The following LRRC20 variants were observed in gnomAD, a reference collection of about 807,000 sequenced individuals.
LRRC20 encodes leucine-rich repeat-containing protein 20.
A neutral mutation model predicts 14.4 loss-of-function variants in LRRC20; 11 were observed. The observed-to-expected ratio is 0.77, with a 90% CI of 0.48 to 1.27. The LOEUF is 1.27. LRRC20 is among the 50% of genes most tolerant of loss of function. The pLI is 0.00. For synonymous variants in LRRC20, 121 were observed against 107.3 expected, an observed-to-expected ratio of 1.13 and a Z score of -0.79; for missense variants, 219 against 251.2, an observed-to-expected ratio of 0.87 and a Z score of 0.87.
chr10:70,313,972 C>T (rs1487693224), intron 4 of LRRC20, among the ~76,000 whole-genome samples: 2 of 152,070 alleles, frequency 1.3e-5, no homozygotes. Context: ...AATGGACTCA[C>T]AATCATGGCA....
chr10:70,307,206 A>G (rs999374401), intron 4 of LRRC20, among the ~76,000 whole-genome samples: 1 of 152,250 alleles, frequency 6.6e-6, no homozygotes, highest in Non-Finnish European at 1.5e-5. Flanking sequence ...GACTGTGTAC[A>G]TCGAATCCAT....
At chr10:70,333,892 A>C (rs536097248) in intron 3 of LRRC20, among the ~76,000 whole-genome samples, 1 of 152,318 alleles carries the variant, frequency 6.6e-6, no homozygotes, top group African/African-American at 2.4e-5. Flanking sequence ...GCTCAGGCCT[A>C]TTATCCCAAC....
intron 2 of LRRC20, among the ~76,000 whole-genome samples, chr10:70,359,204 C>T (rs944224659): frequency 6.6e-6 from 1 of 152,132 alleles, no homozygotes; most frequent in Non-Finnish European, 1.5e-5. Context: ...ACCCCAGCCC[C>T]GCCCTTCCAT....
At chr10:70,342,184 C>A (rs7900456) in intron 2 of LRRC20, among the ~76,000 whole-genome samples, 27,794 of 151,932 alleles carry the variant, frequency 0.18, 3,225 homozygotes, top group Non-Finnish European at 0.24. Flanking sequence ...GTGGCACATG[C>A]CTGCAATCCC....
intron 2 of LRRC20, among the ~76,000 whole-genome samples, chr10:70,353,545 G>A (rs147705630): frequency 0.017 from 2,566 of 152,240 alleles, 94 homozygotes; most frequent in African/African-American, 0.059. Context: ...AGCCTCCTGA[G>A]TAGCTGGGAC....
intron 2 of LRRC20, among the ~76,000 whole-genome samples, chr10:70,348,959 A>G (rs1327167519): frequency 1.3e-5 from 2 of 152,234 alleles, no homozygotes; most frequent in African/African-American, 4.8e-5. Context: ...ATAGGAACAG[A>G]CGGCACTGCT....
chr10:70,377,486 G>A (rs1232535618), intron 1 of LRRC20, among the ~76,000 whole-genome samples: 3 of 152,130 alleles, frequency 2.0e-5, no homozygotes, highest in Non-Finnish European at 4.4e-5. Flanking sequence ...CAAGAATAGG[G>A]TCAGCCCAGC....
rs140523543 is a variant in LRRC20 at position 70,357,643 on chromosome 10, C to T, written c.83-16941G>A. On this transcript the variant is annotated intron_variant, in intron 2 of 4. Coordinates refer to ENST00000446961, the MANE Select transcript of LRRC20 (RefSeq NM_001278212.2). Reference sequence around the variant, plus strand: ...ACAACCGCATGTGCTATCATGGGCTCTGGGACTTTCCAAAAAAAACCCTCC... The same window carrying T: ...ACAACCGCATGTGCTATCATGGGCTTTGGGACTTTCCAAAAAAAACCCTCC... Among the ~76,000 whole-genome samples, 1,505 of 152,254 alleles carry T rather than the reference C, an allele frequency of 9.9e-3. 22 individuals carry two copies. Among genetic ancestry groups the T allele is most frequent in the South Asian group, 0.056 (271 of 4,824 alleles).
chr10:70,358,682 AG>A (rs2137091093), intron 2 of LRRC20, among the ~76,000 whole-genome samples: 2 of 152,326 alleles, frequency 1.3e-5, no homozygotes, highest in East Asian at 3.9e-4. Flanking sequence ...ACCGCAGTCT[AG>A]AATGCCCCTC....
At chr10:70,368,708 C>T (rs1016468945) in intron 2 of LRRC20, among the ~76,000 whole-genome samples, 12 of 151,904 alleles carry the variant, frequency 7.9e-5, no homozygotes, top group South Asian at 2.1e-4. Context: ...GTGCAACCTC[C>T]GCCTCCCAGA....
intron 2 of LRRC20, among the ~76,000 whole-genome samples, chr10:70,371,214 G>A (rs1308403569): frequency 6.6e-6 from 1 of 151,682 alleles, no homozygotes; most frequent in African/African-American, 2.4e-5. Context: ...ATGGCTCACC[G>A]CAGCCTCAAC....
At chr10:70,373,340 T>C (rs1844384100) in intron 2 of LRRC20, among the ~76,000 whole-genome samples, 1 of 152,186 alleles carries the variant, frequency 6.6e-6, no homozygotes, top group Admixed American at 6.5e-5. Context: ...TGACACACCT[T>C]AGCATGGAGC....
chr10:70,344,984 T>G (rs577565078), intron 2 of LRRC20, among the ~76,000 whole-genome samples: 2 of 152,368 alleles, frequency 1.3e-5, no homozygotes, highest in African/African-American at 4.8e-5. Flanking sequence ...TTGTTGAATG[T>G]AACTACTACA....
intron 4 of LRRC20, among the ~76,000 whole-genome samples, chr10:70,320,295 G>GA: frequency 8.9e-6 from 1 of 112,050 alleles, no homozygotes; most frequent in South Asian, 2.8e-4. Context: ...TCATGTCCCA[G>GA]GAGATAGATA....
intron 3 of LRRC20, 21 bp downstream of exon 3, chr10:70,340,532 C>G: frequency 6.2e-7 from 1 of 1,613,726 alleles, no homozygotes; most frequent in East Asian, 2.2e-5. Context: ...GCCCTCCTGG[C>G]TGGAGCTGAC....
chr10:70,364,978 C>T (rs1204693493), intron 2 of LRRC20, among the ~76,000 whole-genome samples: 1 of 151,244 alleles, frequency 6.6e-6, no homozygotes, highest in African/African-American at 2.4e-5. Context: ...CAGTGATTCT[C>T]AAAATTCAAG....
At chr10:70,328,345 G>A (rs1842404792) in intron 3 of LRRC20, among the ~76,000 whole-genome samples, 1 of 151,606 alleles carries the variant, frequency 6.6e-6, no homozygotes, top group African/African-American at 2.4e-5. Context: ...CGCCCAGGCT[G>A]GAGTGCAGTG....
chr10:70,370,494 C>T (rs1344113694), intron 2 of LRRC20, among the ~76,000 whole-genome samples: 2 of 152,194 alleles, frequency 1.3e-5, no homozygotes, highest in Non-Finnish European at 2.9e-5. Flanking sequence ...TGGCTCAAGC[C>T]TGTAATCCTA....
intron 2 of LRRC20, among the ~76,000 whole-genome samples, chr10:70,369,525 A>T (rs767081901): frequency 2.1e-5 from 3 of 143,580 alleles, no homozygotes; most frequent in Non-Finnish European, 4.5e-5. Context: ...AAATACTTGA[A>T]CCTGGGAGGC....
Sources: allele counts gnomAD v4.1 joint callset (sites outside exome capture counted in the v4.1 genomes callset), GRCh38; gene constraint gnomAD v4.1.1; transcripts MANE v1.5; gene names NCBI Gene and HGNC (gene_info 2026-07-23, HGNC 2026-07-21).